The following VPS13B variants were observed in gnomAD, a reference collection of about 807,000 sequenced individuals.
VPS13B encodes the protein vacuolar protein sorting 13 homolog B, also known as intermembrane lipid transfer protein VPS13B.
A neutral mutation model predicts 426.4 loss-of-function variants in VPS13B; 285 were observed. The ratio of observed to expected loss-of-function variants is 0.67; its 90% CI spans 0.61 to 0.74. The LOEUF is 0.74. Ranked by LOEUF, VPS13B falls within the 30% of genes least tolerant of loss-of-function variation. The pLI is 0.00. For missense variants in VPS13B, 4,537 were observed against 4,782.6 expected, an observed-to-expected ratio of 0.95 and a Z score of 1.51; for synonymous variants, 1,676 against 1,676.4, an observed-to-expected ratio of 1.00 and a Z score of 0.01.
intron 17 of VPS13B, among the ~76,000 whole-genome samples, chr8:99,229,278 G>A (rs1816188697): frequency 6.6e-6 from 1 of 152,194 alleles, no homozygotes; most frequent in South Asian, 2.1e-4. Context: ...GAAATGGCTA[G>A]GTCCTTCTAC....
intron 3 of VPS13B, among the ~76,000 whole-genome samples, chr8:99,094,985 A>G (rs956159873): frequency 1.3e-5 from 2 of 152,162 alleles, no homozygotes; most frequent in Non-Finnish European, 2.9e-5. Flanking sequence ...AAGGAACAAG[A>G]AGTTAGTTGC....
At chr8:99,630,923 A>C (rs1828818595) in intron 33 of VPS13B, among the ~76,000 whole-genome samples, 2 of 152,110 alleles carry the variant, frequency 1.3e-5, no homozygotes, top group Non-Finnish European at 2.9e-5. Context: ...GAAATGAAGG[A>C]ATGACCAATA....
chr8:99,617,202 C>T (rs944043456), intron 33 of VPS13B, among the ~76,000 whole-genome samples: 1 of 152,166 alleles, frequency 6.6e-6, no homozygotes, highest in African/African-American at 2.4e-5. Flanking sequence ...AAAATAATTT[C>T]TCACATAGAT....
intron 19 of VPS13B, among the ~76,000 whole-genome samples, chr8:99,333,734 A>G (rs1810669231): frequency 1.3e-5 from 2 of 151,880 alleles, no homozygotes; most frequent in Admixed American, 1.3e-4. Flanking sequence ...TATGTCTCCA[A>G]TTTTGTCATT....
At chr8:99,443,268 A>C (rs938693069) in intron 23 of VPS13B, among the ~76,000 whole-genome samples, 1 of 152,114 alleles carries the variant, frequency 6.6e-6, no homozygotes, top group African/African-American at 2.4e-5. Context: ...ACAAGGCTCA[A>C]ATTTTTGACA....
intron 15 of VPS13B, among the ~76,000 whole-genome samples, chr8:99,158,344 A>T (rs1313782221): frequency 6.6e-6 from 1 of 152,150 alleles, no homozygotes; most frequent in Non-Finnish European, 1.5e-5. Flanking sequence ...CAGCCTGGCC[A>T]ACATGGTGAA....
At chr8:99,518,263 C>T (rs1008899802) in intron 29 of VPS13B, among the ~76,000 whole-genome samples, 6 of 152,048 alleles carry the variant, frequency 3.9e-5, no homozygotes, top group Non-Finnish European at 7.4e-5. Flanking sequence ...CTTTGTGGTA[C>T]GGTTTATTCT....
intron 33 of VPS13B, among the ~76,000 whole-genome samples, chr8:99,583,117 C>G (rs893425968): frequency 6.6e-6 from 1 of 152,290 alleles, no homozygotes; most frequent in Non-Finnish European, 1.5e-5. Context: ...CTTTTCCCCC[C>G]AGAGCCATTT....
At chr8:99,381,659 A>G (rs768236093) in intron 19 of VPS13B, among the ~76,000 whole-genome samples, 3 of 151,938 alleles carry the variant, frequency 2.0e-5, no homozygotes, top group Non-Finnish European at 4.4e-5. Flanking sequence ...ATGATCAATG[A>G]TGTTGAGTTT....
At chr8:99,695,554 G>C (rs1468754329) in intron 35 of VPS13B, among the ~76,000 whole-genome samples, 19 of 104,998 alleles carry the variant, frequency 1.8e-4, no homozygotes, top group Admixed American at 1.0e-4. Flanking sequence ...GTGGTGGGGT[G>C]GGGGGAGGGG....
Position 99,502,932 on chromosome 8 carries a change from T to G in VPS13B, c.4139T>G (p.Ile1380Ser). 1 of 1,607,480 alleles carries G rather than the reference T, an allele frequency of 6.2e-7. No individual in the cohort carries two copies. The highest frequency in any genetic ancestry group is 1.1e-5 in the South Asian group (1 of 90,954). ...KVKCKIESFN[I>S]DHYRSRPGEG... is the part of the protein sequence containing the mutation. ...AAATGTAAAATAGAGAGTTTCAATA[T>G]TGATCACTATAGAAGCAGGTAAATA... The change falls in exon 27 of 62, where the codon ATT (isoleucine) becomes AGT (serine). Residue 1380 changes from isoleucine to serine, a missense_variant. Ile to Ser is a moderately radical substitution (Grantham distance 142). This residue lies in a region of VPS13B where 4,311 missense variants were observed against 4,474.3 expected (regional missense o/e 0.96). Coordinates refer to ENST00000357162, the MANE Select transcript of VPS13B (RefSeq NM_152564.5).
chr8:99,518,346 T>C (rs1452810251), intron 29 of VPS13B, among the ~76,000 whole-genome samples: 1 of 152,186 alleles, frequency 6.6e-6, no homozygotes, highest in Non-Finnish European at 1.5e-5. Flanking sequence ...TTGATAAGGT[T>C]GGCATAAAAT....
intron 19 of VPS13B, among the ~76,000 whole-genome samples, chr8:99,290,992 T>G (rs1022089613): frequency 2.6e-5 from 4 of 152,122 alleles, no homozygotes; most frequent in Non-Finnish European, 5.9e-5. Context: ...AAGGAAATAG[T>G]TAAAAGGCTT....
rs1432373343 is a variant in VPS13B, at chr8:99,507,197, A to G, written c.4218A>G (p.Lys1406=). 1 of 1,613,834 alleles carries G rather than the reference A, an allele frequency of 6.2e-7. No homozygotes were observed. The highest frequency in any genetic ancestry group is 1.3e-5 in the African/African-American group (1 of 74,922). Residue 1406 remains lysine (K), a synonymous_variant, in exon 28 of 62, where the codon AAA becomes AAG. Coordinates refer to ENST00000357162, the MANE Select transcript of VPS13B (RefSeq NM_152564.5). The part of the protein sequence containing the change: ...FEGVFLQCKE[K]SVTTTKLLDG... ...GAGTATTTCTACAATGCAAAGAAAA[A>G]TCTGTGGTGAGACCCATTTAGTTAC...
chr8:99,875,814 G>C lies in VPS13B; in HGVS notation c.*148G>C, dbSNP rs1817672491. Reference sequence around the variant, plus strand: ...AACCCACAAGTAGCTACGACTGCAAGCACCTGCCACCATAAAGGGCTGCAT... The same window carrying C: ...AACCCACAAGTAGCTACGACTGCAACCACCTGCCACCATAAAGGGCTGCAT... On this transcript the variant is annotated 3_prime_UTR_variant, in exon 62 of 62. Transcript: ENST00000357162. The C allele has an allele frequency of 2.2e-5, 23 of 1,034,982 alleles. No individual in the cohort carries two copies. Among genetic ancestry groups the C allele is most frequent in the South Asian group, 1.0e-4 (7 of 70,280 alleles). The allele number at this position is 1,034,982 out of a possible 1,614,324, so 64.1% of individuals were successfully genotyped here. A position where few individuals can be genotyped will look rare whatever the true frequency, so the allele number is the denominator to read the frequency against.
intron 3 of VPS13B, among the ~76,000 whole-genome samples, chr8:99,084,290 G>A (rs1361903618): frequency 1.3e-5 from 2 of 152,060 alleles, no homozygotes; most frequent in Non-Finnish European, 2.9e-5. Flanking sequence ...CTGTGGGATT[G>A]GTGGTGATAT....
chr8:99,427,507 G>A (rs1341717129), intron 21 of VPS13B, among the ~76,000 whole-genome samples: 1 of 151,832 alleles, frequency 6.6e-6, no homozygotes, highest in African/African-American at 2.4e-5. Context: ...CAAACAGAGA[G>A]TCAAATCCTG....
chr8:99,844,116 C>G (rs1039141146), intron 54 of VPS13B, among the ~76,000 whole-genome samples: 3 of 152,146 alleles, frequency 2.0e-5, no homozygotes, highest in African/African-American at 7.2e-5. Flanking sequence ...CCTTCGTGTT[C>G]AGAGGCTAAG....
chr8:99,404,022 A>G (rs1051849948), intron 21 of VPS13B, among the ~76,000 whole-genome samples: 21 of 152,078 alleles, frequency 1.4e-4, no homozygotes, highest in Non-Finnish European at 2.9e-4. Context: ...AGGAATTACG[A>G]TATGTTTTTG....
Sources: gnomAD v4.1 joint callset for allele counts (sites outside exome capture counted in the v4.1 genomes callset) on GRCh38, gnomAD v4.1.1 for gene constraint, gnomAD v4.1.1 regional missense constraint, MANE v1.5 for transcripts, NCBI Gene and HGNC (gene_info 2026-07-23, HGNC 2026-07-21) for gene names.